CNNM2: variants seen among roughly 807,000 people sequenced by gnomAD.
CNNM2 encodes metal transporter CNNM2.
Under a neutral mutation model 66.9 loss-of-function variants are expected in CNNM2, and 12 were observed. That is an observed-to-expected ratio of 0.18 (90% CI 0.11 to 0.29). The LOEUF is 0.29. Ranked by LOEUF, CNNM2 falls within the 10% of genes least tolerant of loss-of-function variation. The pLI is 1.00. For missense variants in CNNM2, 705 were observed against 1,167.7 expected, an observed-to-expected ratio of 0.60 and a Z score of 5.77; for synonymous variants, 557 against 501.8, an observed-to-expected ratio of 1.11 and a Z score of -1.47.
At chr10:103,072,630 C>G (rs996570873) in intron 6 of CNNM2, among the ~76,000 whole-genome samples, 1 of 152,182 alleles carries the variant, frequency 6.6e-6, no homozygotes, top group African/African-American at 2.4e-5. Flanking sequence ...GTGGCCAGTC[C>G]TAACTAATAC....
At position 103,088,978 on chromosome 10, in the gene CNNM2, A is replaced by G. The variant is rs181418830; in HGVS notation, c.*11798A>G. On this transcript the variant is annotated 3_prime_UTR_variant, in exon 8 of 8. Transcript: ENST00000369878. ...TTTCTATAGATTTATCACAGATAAG[A>G]AGGAGGTTGTTTTTGGATAACAAAT... The G allele has an allele frequency of 2.8e-4, 58 of 209,480 alleles. No homozygotes were observed. The highest frequency in any genetic ancestry group is 1.5e-3 in the Middle Eastern group (1 of 664). 13.0% of individuals were successfully genotyped at this position (209,480 alleles called of 1,614,324 possible).
intron 4 of CNNM2, among the ~76,000 whole-genome samples, chr10:103,064,370 T>C (rs2065439520): frequency 6.6e-6 from 1 of 151,894 alleles, no homozygotes; most frequent in Non-Finnish European, 1.5e-5. Context: ...TATGAAATGA[T>C]GGTAACAGTA....
In CNNM2 at chr10:102,918,391, G is replaced by A; in HGVS notation, c.-90G>A. 1 of 1,529,030 alleles carries A rather than the reference G, an allele frequency of 6.5e-7. No individual in the cohort carries two copies. Among genetic ancestry groups the A allele is most frequent in the Non-Finnish European group, 8.7e-7 (1 of 1,145,528 alleles). 94.7% of individuals were successfully genotyped at this position (1,529,030 alleles called of 1,614,324 possible). On this transcript the variant is annotated 5_prime_UTR_variant, in exon 1 of 8. Transcript: ENST00000369878. The surrounding 1 kb of genome is among the most constrained non-coding windows in gnomAD (Gnocchi z 4.1). ...GGCGAACTGCTGAGCACTGGCCGCG[G>A]ACGCTCCGTTGCAGTCTCGCCCAGG... is the stretch of plus-strand genomic sequence containing the variant.
chr10:103,034,972 C>CAAAAA (rs71019651), intron 1 of CNNM2, among the ~76,000 whole-genome samples: 10 of 71,134 alleles, frequency 1.4e-4, no homozygotes, highest in African/African-American at 3.7e-4. Flanking sequence ...GACTCCGTCT[C>CAAAAA]AAAAAAAAAA....
chr10:102,925,296 CAAAAA>C (rs10624810), intron 1 of CNNM2, among the ~76,000 whole-genome samples: 3 of 17,762 alleles, frequency 1.7e-4, no homozygotes, highest in Admixed American at 9.3e-4. Context: ...AACTCCATCT[CAAAAA>C]AAAAAAAAAA....
At chr10:102,931,356 CTTTT>C (rs66613815) in intron 1 of CNNM2, among the ~76,000 whole-genome samples, 9 of 119,240 alleles carry the variant, frequency 7.5e-5, no homozygotes, top group Admixed American at 1.7e-4. Context: ...TTCCTTCTTT[CTTTT>C]TTTTTTTTTT....
chr10:102,925,629 C>G (rs1426007850), intron 1 of CNNM2, among the ~76,000 whole-genome samples: 3 of 152,208 alleles, frequency 2.0e-5, no homozygotes, highest in Non-Finnish European at 4.4e-5. Context: ...GCAGGCTGGT[C>G]TTCTGGTCCC....
rs12254254 is a variant in CNNM2, at chr10:103,005,848, C to T, written c.1622-43859C>T. Among the ~76,000 whole-genome samples, 15,853 of 152,104 alleles carry T rather than the reference C, an allele frequency of 0.1. 855 individuals are homozygous for T. The highest frequency in any genetic ancestry group is 0.18 in the Middle Eastern group (52 of 294). ...GTCTCCAACAGTCCTCTTGCCTCAG[C>T]CTCCCAAGTAGCTGGGACCACAGGC... On this transcript the variant is annotated intron_variant, in intron 1 of 7. Transcript: ENST00000369878.
intron 1 of CNNM2, among the ~76,000 whole-genome samples, chr10:103,006,194 A>G (rs2064222616): frequency 1.3e-5 from 2 of 151,384 alleles, no homozygotes; most frequent in Non-Finnish European, 2.9e-5. Context: ...TGTTTGCTTT[A>G]GATTTATTTT....
At chr10:102,942,457 G>A (rs1375037105) in intron 1 of CNNM2, among the ~76,000 whole-genome samples, 30 of 152,180 alleles carry the variant, frequency 2.0e-4, no homozygotes, top group Admixed American at 2.0e-3. Context: ...TTTATGTAAT[G>A]TTCTCAAGGT....
intron 1 of CNNM2, among the ~76,000 whole-genome samples, chr10:102,941,756 C>G (rs1846442463): frequency 6.6e-6 from 1 of 152,326 alleles, no homozygotes; most frequent in South Asian, 2.1e-4. Flanking sequence ...CTCCTTAGCC[C>G]TCTACTGTAC....
chr10:102,960,839 G>A (rs1178788707), intron 1 of CNNM2, among the ~76,000 whole-genome samples: 11 of 141,306 alleles, frequency 7.8e-5, no homozygotes, highest in Non-Finnish European at 1.7e-4. Flanking sequence ...CAGGTGGAGC[G>A]CAGTGGCATG....
intron 4 of CNNM2, among the ~76,000 whole-genome samples, chr10:103,067,935 G>A (rs544613966): frequency 2.4e-4 from 37 of 152,110 alleles, no homozygotes; most frequent in South Asian, 4.1e-4. Context: ...AGCCTGCGAG[G>A]GGTCTGCTCA....
intron 1 of CNNM2, among the ~76,000 whole-genome samples, chr10:103,002,950 C>T (rs142805416): frequency 3.7e-4 from 57 of 152,158 alleles, no homozygotes; most frequent in African/African-American, 1.3e-3. Context: ...AAAACTTGTA[C>T]GCAGTTGTTC....
rs2065795792 is a variant in CNNM2 at position 103,085,404 on chromosome 10, T to G, written c.*8224T>G. 1 of 152,172 alleles carries G rather than the reference T, an allele frequency of 6.6e-6. No homozygotes were observed. Among genetic ancestry groups the G allele is most frequent in the African/African-American group, 2.4e-5 (1 of 41,392 alleles). 9.4% of individuals were successfully genotyped at this position (152,172 alleles called of 1,614,324 possible). A position where few individuals can be genotyped will look rare whatever the true frequency, so the allele number is the denominator to read the frequency against. ...TTTTTCAGTGTGGGGAAGGTTTGCT[T>G]GGCAAATCTTCTTTCCAAGTATCTC... On this transcript the variant is annotated 3_prime_UTR_variant, in exon 8 of 8. Transcript: ENST00000369878.
chr10:103,060,761 G>A (rs376151226), intron 4 of CNNM2, among the ~76,000 whole-genome samples: 14 of 152,240 alleles, frequency 9.2e-5, no homozygotes, highest in African/African-American at 3.1e-4. Flanking sequence ...AGTCTCTAAG[G>A]AGGCAACTTG....
intron 1 of CNNM2, among the ~76,000 whole-genome samples, chr10:103,021,262 A>G (rs1193909463): frequency 1.3e-5 from 2 of 152,126 alleles, no homozygotes; most frequent in Admixed American, 1.3e-4. Context: ...AAGGAGACAG[A>G]GTGGAGAATG....
intron 2 of CNNM2, among the ~76,000 whole-genome samples, chr10:103,051,291 C>T (rs1007889195): frequency 1.3e-5 from 2 of 151,974 alleles, no homozygotes; most frequent in South Asian, 2.1e-4. Flanking sequence ...ATTAGCTGGG[C>T]GTGGTGGCAC....
rs58137673 is a variant in CNNM2 at position 102,986,779 on chromosome 10, C to CAA, written c.1622-62912_1622-62911dup. 0.02 allele frequency among the ~76,000 whole-genome samples: 2,354 copies of CAA among 119,960 alleles called. 63 individuals carry two copies. Among genetic ancestry groups the CAA allele is most frequent in the Middle Eastern group, 0.025 (6 of 242 alleles). The allele number at this position is 119,960 out of a possible 152,430, so 78.7% of individuals were successfully genotyped here. ...GGGGTGACAGTGCAAGACTCAGTCT[C>CAA]AAAAAAAAAAAAAAAAAGTTTTTAT... On this transcript the variant is annotated intron_variant, in intron 1 of 7. Transcript: ENST00000369878.
Sources: allele counts gnomAD v4.1 joint callset (sites outside exome capture counted in the v4.1 genomes callset), GRCh38; gene constraint gnomAD v4.1.1; non-coding constraint Gnocchi (gnomAD v3.1); transcripts MANE v1.5; gene names NCBI Gene and HGNC (gene_info 2026-07-23, HGNC 2026-07-21).